Variants in CEP152 observed in about 807,000 individuals in gnomAD.
The protein encoded by CEP152 is centrosomal protein of 152 kDa.
A neutral mutation model predicts 188.9 loss-of-function variants in CEP152; 132 were observed. The observed-to-expected ratio is 0.70, with a 90% CI of 0.61 to 0.81. The LOEUF (loss-of-function observed/expected upper bound fraction) is 0.81. CEP152 is among the 30% of genes least tolerant of loss of function. CEP152 has a pLI of 0.00. For synonymous variants in CEP152, 649 were observed against 666.6 expected, an observed-to-expected ratio of 0.97 and a Z score of 0.41; for missense variants, 1,914 against 1,969.8, an observed-to-expected ratio of 0.97 and a Z score of 0.54.
chr15:48,808,453 A>G (rs1331407157), intron 1 of CEP152, among the ~76,000 whole-genome samples: 1 of 152,120 alleles, frequency 6.6e-6, no homozygotes, highest in East Asian at 1.9e-4. Context: ...CACCTGACAA[A>G]GTCCCAATAT....
chr15:48,801,627 T>C (rs6493339), intron 2 of CEP152, among the ~76,000 whole-genome samples: 130,364 of 152,210 alleles, frequency 0.86, 56,150 homozygotes, highest in East Asian at 1. Flanking sequence ...CACACATAAA[T>C]AGATAATTTT....
rs763171254 is a variant in CEP152, at chr15:48,738,636, G to C, written c.4746C>G (p.Ser1582=). 18 of 1,614,058 alleles carry C rather than the reference G, an allele frequency of 1.1e-5. No individual in the cohort carries two copies. Among genetic ancestry groups the C allele is most frequent in the Non-Finnish European group, 8.5e-7 (1 of 1,180,038 alleles). Residue 1582 remains serine, a synonymous_variant, in exon 27 of 27, where the codon TCC becomes TCG. Coordinates refer to ENST00000380950, the MANE Select transcript of CEP152 (RefSeq NM_001194998.2). ...LGWPSSSATL[S]FDSREASFVH... ...CAAATGATGCTTCACGACTGTCAAA[G>C]GATAAGGTTGCACTGCTGGAAGGCC...
At chr15:48,808,226 G>C (rs1462381576) in intron 1 of CEP152, among the ~76,000 whole-genome samples, 1 of 149,832 alleles carries the variant, frequency 6.7e-6, no homozygotes, top group Non-Finnish European at 1.5e-5. Flanking sequence ...AGAGACTTTA[G>C]TATAATATTC....
At chr15:48,732,272 T>C (rs999703417) in intron 2 of CEP152, among the ~76,000 whole-genome samples, 1 of 152,132 alleles carries the variant, frequency 6.6e-6, no homozygotes, top group Non-Finnish European at 1.5e-5. Flanking sequence ...AGCAAAGACA[T>C]GGAACCAACT....
intron 14 of CEP152, 33 bp from the exon 15 acceptor site, chr15:48,768,361 G>A (rs1390726277): frequency 9.6e-6 from 11 of 1,146,902 alleles, no homozygotes; most frequent in Non-Finnish European, 1.3e-5. Context: ...AGTACTTACA[G>A]AAAATAAACA....
At chr15:48,770,906 GAAT>G (rs772183359) in intron 13 of CEP152, among the ~76,000 whole-genome samples, 2 of 152,044 alleles carry the variant, frequency 1.3e-5, no homozygotes, top group Non-Finnish European at 2.9e-5. Context: ...AATTAGCACA[GAAT>G]ATTATACATA....
rs1421374646 is a variant in CEP152, at chr15:48,756,535, C to A, written c.2713G>T (p.Glu905Ter). The change falls in exon 20 of 27, where the codon GAA becomes TAA. Residue 905 changes from glutamate to a stop codon, truncating the protein, a stop_gained. Transcript: ENST00000380950. LOFTEE classifies it high-confidence loss of function. ...TCACTCTTCCATTTCTCTTTAGCTTCAGAAACAGCAAATGATATCTAAAGA... is the reference window on the plus strand; with the variant it reads ...TCACTCTTCCATTTCTCTTTAGCTTAAGAAACAGCAAATGATATCTAAAGA... ...VNKRISFAVS[E>*]AKEKWKSELE... 1 of 1,606,536 alleles carries A rather than the reference C, an allele frequency of 6.2e-7. No individual in the cohort carries two copies. Among genetic ancestry groups the A allele is most frequent in the African/African-American group, 1.3e-5 (1 of 75,000 alleles).
chr15:48,787,504 T>C (rs1030950393), intron 9 of CEP152, among the ~76,000 whole-genome samples: 4 of 152,036 alleles, frequency 2.6e-5, no homozygotes, highest in Non-Finnish European at 4.4e-5. Context: ...ATCCTCCACA[T>C]TGATCAAATT....
chr15:48,755,949 T>C lies in CEP152; in HGVS notation c.3299A>G (p.Asp1100Gly), dbSNP rs773323076. ...LKGCIQKAFQ[D>G]TLPLLVENAD... Reference sequence around the variant, plus strand: ...GTTTTCTACAAGCAGAGGAAGTGTATCTTGAAATGCTTTCTGTATGCAGCC... The same window carrying C: ...GTTTTCTACAAGCAGAGGAAGTGTACCTTGAAATGCTTTCTGTATGCAGCC... Residue 1100 changes from aspartate (D) to glycine (G), a missense_variant, in exon 20 of 27, where the codon GAT becomes GGT. By Grantham distance (94) the Asp-to-Gly change is moderately conservative. Coordinates refer to ENST00000380950, the MANE Select transcript of CEP152 (RefSeq NM_001194998.2). The C allele has an allele frequency of 3.3e-5, 53 of 1,613,944 alleles. No individual in the cohort carries two copies. Among genetic ancestry groups the C allele is most frequent in the Admixed American group, 2.2e-4 (13 of 59,996 alleles).
Position 48,785,820 on chromosome 15 carries a change from A to G in CEP152, c.1174-1700T>C, listed in dbSNP as rs543635935. Among the ~76,000 whole-genome samples, 8 of 152,082 alleles carry G rather than the reference A, an allele frequency of 5.3e-5. 1 individual carries two copies. The South Asian group carries it at 1.5e-3, about 28-fold the overall frequency. ...TGAGTAGTTCAAGTCTGATATGGGCAGACATTTTTCAAGACTGAGACAAGT... is the reference window on the plus strand; with the variant it reads ...TGAGTAGTTCAAGTCTGATATGGGCGGACATTTTTCAAGACTGAGACAAGT... On this transcript the variant is annotated intron_variant, in intron 9 of 26. Coordinates refer to ENST00000380950, the MANE Select transcript of CEP152 (RefSeq NM_001194998.2).
At chr15:48,773,518 T>C (rs1416580430) in intron 12 of CEP152, 2 of 151,886 alleles carry the variant, frequency 1.3e-5, no homozygotes, top group Admixed American at 6.6e-5. Flanking sequence ...GGCTAGAATA[T>C]GAAGGGAAGA....
Position 48,752,392 on chromosome 15 carries a change from G to A in CEP152, c.3423C>T (p.His1141=). 1.2e-6 allele frequency: 2 copies of A among 1,614,002 alleles called. No individual in the cohort carries two copies. The highest frequency in any genetic ancestry group is 8.5e-7 in the Non-Finnish European group (1 of 1,180,020). Residue 1141 remains histidine, a synonymous_variant, in exon 21 of 27, where the codon CAC becomes CAT. Transcript: ENST00000380950. ...GQGDPGPAAG[H]HAQPLALQAT... Reference sequence around the variant, plus strand: ...CTTGTAAGGCCAAGGGCTGAGCATGGTGTCCAGCAGCAGGTCCAGGGTCTC... The same window carrying A: ...CTTGTAAGGCCAAGGGCTGAGCATGATGTCCAGCAGCAGGTCCAGGGTCTC...
In CEP152 at chr15:48,784,063, C is replaced by G. The variant is rs188488086; in HGVS notation, c.1231G>C (p.Ala411Pro). 5.6e-6 allele frequency: 9 copies of G among 1,613,728 alleles called. No individual in the cohort carries two copies. In the East Asian group the frequency reaches 1.6e-4, roughly 28 times the overall value. Residue 411 changes from alanine to proline, a missense_variant, in exon 10 of 27, where the codon GCA (alanine) becomes CCA (proline). Physicochemically the swap from Ala to Pro is conservative, Grantham distance 27. Transcript: ENST00000380950. ...ATCTCAGTCTTTTCTAACTTGATTGCTTCTTGATTCCTTTCCAGTTGTTTC... is the reference window on the plus strand; with the variant it reads ...ATCTCAGTCTTTTCTAACTTGATTGGTTCTTGATTCCTTTCCAGTTGTTTC... ...HVKQLERNQE[A>P]IKLEKTEIIN...
chr15:48,792,745 C>G (rs150841280), intron 7 of CEP152, among the ~76,000 whole-genome samples: 12 of 151,332 alleles, frequency 7.9e-5, no homozygotes, highest in African/African-American at 2.9e-4. Flanking sequence ...GCCATCAGTA[C>G]AGTTAAATAA....
chr15:48,739,394 T>C, intron 26 of CEP152, 106 bp from the exon 27 acceptor site: 10 of 1,413,998 alleles, frequency 7.1e-6, no homozygotes, highest in South Asian at 4.9e-5. Context: ...AAAAAATTTA[T>C]GTTTTTATAC....
chr15:48,791,437 T>A, intron 7 of CEP152, 61 bp from the exon 8 acceptor site: 1 of 1,412,150 alleles, frequency 7.1e-7, no homozygotes, highest in Non-Finnish European at 9.9e-7. Context: ...AATGTCACAA[T>A]CCCAATCAGA....
intron 12 of CEP152, among the ~76,000 whole-genome samples, chr15:48,777,632 T>C (rs1259388970): frequency 6.6e-6 from 1 of 152,048 alleles, no homozygotes; most frequent in African/African-American, 2.4e-5. Context: ...GTAAGTAGTC[T>C]GTCTATATAC....
intron 9 of CEP152, among the ~76,000 whole-genome samples, chr15:48,786,555 G>A (rs1896645926): frequency 6.6e-6 from 1 of 152,136 alleles, no homozygotes; most frequent in African/African-American, 2.4e-5. Context: ...ATGTGTATAG[G>A]TGTGTTACAT....
At chr15:48,792,225 C>T (rs1050811841) in intron 7 of CEP152, among the ~76,000 whole-genome samples, 1 of 151,990 alleles carries the variant, frequency 6.6e-6, no homozygotes, top group South Asian at 2.1e-4. Flanking sequence ...CTCCTGACCG[C>T]GTGACCCGCC....
Sources: allele counts gnomAD v4.1 joint callset (sites outside exome capture counted in the v4.1 genomes callset), GRCh38; gene constraint gnomAD v4.1.1; transcripts MANE v1.5; gene names NCBI Gene and HGNC (gene_info 2026-07-23, HGNC 2026-07-21).